NXPE3: variants seen among roughly 807,000 people sequenced by gnomAD.
The protein encoded by NXPE3 is neurexophilin and PC-esterase domain family member 3.
In NXPE3, 26 loss-of-function variants were observed where a neutral mutation model predicts 46.1. That is an observed-to-expected ratio of 0.56 (90% confidence interval 0.41 to 0.78). The LOEUF (loss-of-function observed/expected upper bound fraction) is 0.78, where lower values mean the gene tolerates loss of function less well. NXPE3 is among the 30% of genes least tolerant of loss of function. The pLI, the probability that NXPE3 is intolerant of heterozygous loss-of-function variation, is 0.00. For missense variants in NXPE3, 620 were observed against 686.0 expected, an observed-to-expected ratio of 0.90 and a Z score of 1.07; for synonymous variants, 272 against 257.9, an observed-to-expected ratio of 1.05 and a Z score of -0.52.
At chr3:101,781,643 A>C (rs1939830947) in intron 1 of NXPE3, 1 of 152,246 alleles carries the variant, frequency 6.6e-6, no homozygotes, top group African/African-American at 2.4e-5. Flanking sequence ...TATTATAAAA[A>C]TAAAGCATGA....
chr3:101,820,476 C>CA (rs1234271854), intron 7 of NXPE3, among the ~76,000 whole-genome samples: 2 of 152,146 alleles, frequency 1.3e-5, no homozygotes, highest in East Asian at 3.8e-4. Context: ...GGTGATTCCT[C>CA]AAAGAGCTAA....
chr3:101,785,687 G>A lies in NXPE3; in HGVS notation c.91G>A (p.Glu31Lys), dbSNP rs1343378590. The change falls in exon 4 of 8, where the codon GAG becomes AAG. Residue 31 changes from glutamate to lysine, a missense_variant and splice_region_variant. Glu to Lys is a moderately conservative substitution (Grantham distance 56, BLOSUM62 1). This residue lies in a region of NXPE3 where 511 missense variants were observed against 528.6 expected (regional missense o/e 0.97). Transcript: ENST00000273347. Reference protein sequence around the residue: ...VVLVINVTQVEYLDHETVSAT... With the variant: ...VVLVINVTQVKYLDHETVSAT... Reference sequence around the variant, plus strand: ...GCTGGTCATCAATGTTACTCAGGTAGAGGTGAGTACCCAGTATAATCCCTC... The same window carrying A: ...GCTGGTCATCAATGTTACTCAGGTAAAGGTGAGTACCCAGTATAATCCCTC... The A allele has an allele frequency of 6.2e-7, 1 of 1,610,932 alleles. No homozygotes were observed. The highest frequency in any genetic ancestry group is 8.5e-7 in the Non-Finnish European group (1 of 1,177,166).
At chr3:101,785,951 C>T (rs555335398) in intron 4 of NXPE3, among the ~76,000 whole-genome samples, 1 of 152,190 alleles carries the variant, frequency 6.6e-6, no homozygotes, top group Admixed American at 6.5e-5. Context: ...TAGTAGTAAT[C>T]ATAATCACAT....
chr3:101,793,671 A>G (rs1377141517), intron 4 of NXPE3, among the ~76,000 whole-genome samples: 1 of 80,054 alleles, frequency 1.2e-5, no homozygotes, highest in Non-Finnish European at 2.3e-5. Flanking sequence ...GTGCTTTTCC[A>G]GTCTGGCTGG....
At chr3:101,779,741 C>A (rs1939706834) in intron 1 of NXPE3, 1 of 152,634 alleles carries the variant, frequency 6.6e-6, no homozygotes, top group Non-Finnish European at 1.5e-5. Context: ...CAGGCACCTT[C>A]ACTAACCCGG....
chr3:101,803,481 C>T (rs1020729640), intron 5 of NXPE3, among the ~76,000 whole-genome samples: 1 of 152,180 alleles, frequency 6.6e-6, no homozygotes, highest in African/African-American at 2.4e-5. Flanking sequence ...CAAAACAAAA[C>T]CAAAACAAAA....
intron 6 of NXPE3, among the ~76,000 whole-genome samples, chr3:101,808,854 T>TATACACACATATATATATAC (rs770360739): frequency 1.8e-4 from 18 of 100,348 alleles, no homozygotes; most frequent in Admixed American, 3.3e-4. Flanking sequence ...TATATATATA[T>TATACACACATATATATATAC]ATGAGACATT....
At chr3:101,796,717 T>G (rs971210955) in intron 4 of NXPE3, among the ~76,000 whole-genome samples, 1 of 152,226 alleles carries the variant, frequency 6.6e-6, no homozygotes, top group African/African-American at 2.4e-5. Context: ...TCCTTTAAAA[T>G]GAAGCCTCCT....
chr3:101,818,404 C>A (rs1349688426), intron 7 of NXPE3, among the ~76,000 whole-genome samples: 1 of 151,854 alleles, frequency 6.6e-6, no homozygotes, highest in Non-Finnish European at 1.5e-5. Flanking sequence ...GAGGGCCTTC[C>A]TAGGTGTCTG....
At chr3:101,781,783 ATAAT>A (rs965006217) in intron 1 of NXPE3, 16 of 152,210 alleles carry the variant, frequency 1.1e-4, no homozygotes, top group African/African-American at 3.9e-4. Context: ...ATTGAACTAA[ATAAT>A]TATAATAGTT....
intron 4 of NXPE3, among the ~76,000 whole-genome samples, chr3:101,793,355 T>C (rs991958562): frequency 1.4e-4 from 21 of 152,164 alleles, no homozygotes; most frequent in Non-Finnish European, 2.2e-4. Context: ...CGGGGAATGC[T>C]TCCAGCTTTT....
intron 7 of NXPE3, 29 bp downstream of exon 7, chr3:101,817,030 T>G (rs568376024): frequency 6.3e-7 from 1 of 1,581,816 alleles, no homozygotes; most frequent in African/African-American, 1.3e-5. Flanking sequence ...GTTTCGTAAC[T>G]CTTTCCCACA....
At chr3:101,816,695 T>C in intron 6 of NXPE3, 100 bp from the exon 7 acceptor site, 1 of 876,554 alleles carries the variant, frequency 1.1e-6, no homozygotes, top group Non-Finnish European at 1.8e-6. Context: ...CCACATGCTA[T>C]CAGGCTAACA....
At position 101,822,061 on chromosome 3, in the gene NXPE3, A is replaced by AT; in HGVS notation, c.*110dup. 1 of 997,552 alleles carries AT rather than the reference A, an allele frequency of 1.0e-6. No individual in the cohort carries two copies. Among genetic ancestry groups the AT allele is most frequent in the Non-Finnish European group, 1.5e-6 (1 of 676,862 alleles). The allele number at this position is 997,552 out of a possible 1,614,324, so 61.8% of individuals were successfully genotyped here. A position where few individuals can be genotyped will look rare whatever the true frequency, so the allele number is the denominator to read the frequency against. On this transcript the variant is annotated 3_prime_UTR_variant, in exon 8 of 8. Coordinates refer to ENST00000273347, the MANE Select transcript of NXPE3 (RefSeq NM_145037.4). ...GATGACTGCCCTTAATAAGTATAAA[A>AT]TTTCAAAAAGATCTGGACTTAATAT...
In NXPE3 at chr3:101,807,039, T is replaced by C. The variant is rs887632493; in HGVS notation, c.849-14T>C. On this transcript the variant is annotated splice_polypyrimidine_tract_variant and intron_variant, in intron 5 of 7. Coordinates refer to ENST00000273347, the MANE Select transcript of NXPE3 (RefSeq NM_145037.4). ...TCCTGAACCTGAGCTTGTGCTTTTTTATTCCTCTTAAAGTGGTGTCAATAT... is the reference window on the plus strand; with the variant it reads ...TCCTGAACCTGAGCTTGTGCTTTTTCATTCCTCTTAAAGTGGTGTCAATAT... 6.3e-7 allele frequency: 1 copy of C among 1,597,076 alleles called. No individual in the cohort carries two copies. The highest frequency in any genetic ancestry group is 8.6e-7 in the Non-Finnish European group (1 of 1,165,026).
At chr3:101,796,527 G>C (rs1282610752) in intron 4 of NXPE3, among the ~76,000 whole-genome samples, 1 of 152,224 alleles carries the variant, frequency 6.6e-6, no homozygotes, top group Non-Finnish European at 1.5e-5. Flanking sequence ...GAGCTATGCT[G>C]TAAGCACATG....
rs1206627147 is a variant in NXPE3 at position 101,825,736 on chromosome 3, T to TTAGATA, written c.*3782_*3783insTAGATA. 6.6e-6 allele frequency: 1 copy of TTAGATA among 152,220 alleles called. No individual in the cohort carries two copies. Among genetic ancestry groups the TTAGATA allele is most frequent in the African/African-American group, 2.4e-5 (1 of 41,464 alleles). 9.4% of individuals were successfully genotyped at this position (152,220 alleles called of 1,614,324 possible). A position where few individuals can be genotyped will look rare whatever the true frequency, so the allele number is the denominator to read the frequency against. ...TCATTATTAGATAAGTTGGTCATTA[T>TTAGATA]AGTTGGACATTTAGGTTTACAATAT... On this transcript the variant is annotated 3_prime_UTR_variant, in exon 8 of 8. Coordinates refer to ENST00000273347, the MANE Select transcript of NXPE3 (RefSeq NM_145037.4).
chr3:101,788,600 G>A (rs1940326178), intron 4 of NXPE3, among the ~76,000 whole-genome samples: 1 of 152,090 alleles, frequency 6.6e-6, no homozygotes, highest in Non-Finnish European at 1.5e-5. Context: ...TTATTTTTAG[G>A]TGTACAGGTC....
chr3:101,814,173 C>T (rs1452011524), intron 6 of NXPE3, among the ~76,000 whole-genome samples: 1 of 152,208 alleles, frequency 6.6e-6, no homozygotes, highest in African/African-American at 2.4e-5. Context: ...ATCAAAATAA[C>T]TTTTAATTCT....
Sources: gnomAD v4.1 joint callset for allele counts (sites outside exome capture counted in the v4.1 genomes callset) on GRCh38, gnomAD v4.1.1 for gene constraint, gnomAD v4.1.1 regional missense constraint, MANE v1.5 for transcripts, NCBI Gene and HGNC (gene_info 2026-07-23, HGNC 2026-07-21) for gene names.